MAML2: variants seen among roughly 807,000 people sequenced by gnomAD.
The protein encoded by MAML2 is mastermind-like protein 2.
MAML2 carries 22 observed loss-of-function variants against 96.1 expected under a neutral mutation model. That is an observed-to-expected ratio of 0.23 (90% CI 0.16 to 0.33). The LOEUF (loss-of-function observed/expected upper bound fraction) is 0.33, where lower values mean the gene tolerates loss of function less well. Ranked by LOEUF, MAML2 falls within the 10% of genes least tolerant of loss-of-function variation. The pLI is 1.00. For missense variants in MAML2, 1,367 were observed against 1,392.4 expected (o/e 0.98, Z 0.29); for synonymous variants, 561 against 521.3 (o/e 1.08, Z -1.04).
chr11:95,987,015 G>A (rs879326335), intron 3 of MAML2, among the ~76,000 whole-genome samples: 5 of 152,256 alleles, frequency 3.3e-5, no homozygotes, highest in African/African-American at 9.6e-5. Context: ...GGGGTCACAG[G>A]GTGTCTCAGT....
In MAML2 at chr11:96,277,768, A is replaced by C. The variant is rs186550701; in HGVS notation, c.513+63615T>G. Among the ~76,000 whole-genome samples, 758 of 152,072 alleles carry C rather than the reference A, an allele frequency of 5.0e-3. 6 individuals carry two copies. Among genetic ancestry groups the C allele is most frequent in the African/African-American group, 0.017 (712 of 41,498 alleles). On this transcript the variant is annotated intron_variant, in intron 1 of 4. Transcript: ENST00000524717. ...AAAAAAAAAAAATTAGAACTTTCTAAAATAATTTAAAATGGAATAAAAGAT... is the reference window on the plus strand; with the variant it reads ...AAAAAAAAAAAATTAGAACTTTCTACAATAATTTAAAATGGAATAAAAGAT...
intron 1 of MAML2, among the ~76,000 whole-genome samples, chr11:96,256,342 G>T (rs1395484844): frequency 3.3e-5 from 5 of 151,876 alleles, no homozygotes; most frequent in Admixed American, 3.3e-4. Flanking sequence ...TCTTTCTTTT[G>T]CTCTCTTTGC....
intron 2 of MAML2, among the ~76,000 whole-genome samples, chr11:96,030,810 C>T (rs1181093800): frequency 2.0e-5 from 3 of 152,168 alleles, no homozygotes; most frequent in African/African-American, 7.2e-5. Flanking sequence ...TCCTGGAGTA[C>T]TAATACAAAA....
At chr11:96,176,123 G>A (rs1029476080) in intron 1 of MAML2, among the ~76,000 whole-genome samples, 9 of 152,062 alleles carry the variant, frequency 5.9e-5, no homozygotes, top group African/African-American at 1.7e-4. Context: ...AAGAAGATGC[G>A]GTTCAGAGAT....
chr11:95,998,174 G>GTCTGTCTGTCTATCTA (rs139615820), intron 2 of MAML2, among the ~76,000 whole-genome samples: 22,072 of 147,276 alleles, frequency 0.15, 1,873 homozygotes, highest in Middle Eastern at 0.2. Context: ...CTGTCTGTCT[G>GTCTGTCTGTCTATCTA]TCTATCTATC....
At chr11:96,313,925 A>G (rs541255061) in intron 1 of MAML2, among the ~76,000 whole-genome samples, 3 of 152,344 alleles carry the variant, frequency 2.0e-5, no homozygotes, top group African/African-American at 7.2e-5. Flanking sequence ...GGTGGTTCTG[A>G]TGCCAGGTGA....
chr11:96,262,335 ATTAT>A (rs1163792581), intron 1 of MAML2, among the ~76,000 whole-genome samples: 5 of 152,218 alleles, frequency 3.3e-5, no homozygotes, highest in Non-Finnish European at 7.3e-5. Flanking sequence ...AGTTAGCATT[ATTAT>A]TTATTGTATA....
At chr11:96,067,759 C>A (rs544811188) in intron 2 of MAML2, among the ~76,000 whole-genome samples, 1 of 152,140 alleles carries the variant, frequency 6.6e-6, no homozygotes, top group African/African-American at 2.4e-5. Flanking sequence ...CAACGCATAT[C>A]CGTGACTGCC....
intron 1 of MAML2, among the ~76,000 whole-genome samples, chr11:96,103,779 C>T (rs1859974604): frequency 6.6e-6 from 1 of 152,142 alleles, no homozygotes; most frequent in Admixed American, 6.5e-5. Flanking sequence ...TGACTCTGAC[C>T]CCACATCTCG....
chr11:95,999,896 C>G (rs181231078), intron 2 of MAML2, among the ~76,000 whole-genome samples: 3 of 152,312 alleles, frequency 2.0e-5, no homozygotes, highest in East Asian at 3.9e-4. Context: ...ACCCACTTCT[C>G]TCTTTCCCTC....
At chr11:96,155,260 C>A (rs1296580586) in intron 1 of MAML2, among the ~76,000 whole-genome samples, 12 of 151,756 alleles carry the variant, frequency 7.9e-5, no homozygotes, top group Non-Finnish European at 1.5e-5. Context: ...AGGATAGTAT[C>A]CAAGCTGGGC....
chr11:96,155,513 T>A (rs7933819), intron 1 of MAML2, among the ~76,000 whole-genome samples: 1 of 19,216 alleles, frequency 5.2e-5, no homozygotes, highest in East Asian at 1.6e-3. Context: ...AATTCAAATA[T>A]ATATATATAT....
chr11:95,979,522 C>T lies in MAML2; in HGVS notation c.2897G>A (p.Trp966Ter). ...MITSNTTAPNWASQEGTSKQQ... is the reference protein window; with the variant it reads ...MITSNTTAPN ...TTTGCTTGTTCCTTCTTGAGAGGCCCAGTTTGGTGCAGTTGTGTTGGATGT... is the reference window on the plus strand; with the variant it reads ...TTTGCTTGTTCCTTCTTGAGAGGCCTAGTTTGGTGCAGTTGTGTTGGATGT... The change falls in exon 5 of 5, where the codon TGG (tryptophan) becomes TAG (stop). Residue 966 changes from tryptophan to a stop codon, truncating the protein, a stop_gained. Coordinates refer to ENST00000524717, the MANE Select transcript of MAML2 (RefSeq NM_032427.4). LOFTEE classifies it high-confidence loss of function. 6.2e-7 allele frequency: 1 copy of T among 1,613,598 alleles called. No homozygotes were observed. The highest frequency in any genetic ancestry group is 8.5e-7 in the Non-Finnish European group (1 of 1,179,810).
intron 2 of MAML2, among the ~76,000 whole-genome samples, chr11:96,011,676 A>G (rs1045100611): frequency 1.3e-5 from 2 of 152,196 alleles, no homozygotes; most frequent in African/African-American, 4.8e-5. Flanking sequence ...ATCATGCAAT[A>G]TAACCATGGA....
intron 1 of MAML2, among the ~76,000 whole-genome samples, chr11:96,279,657 A>T (rs1449864758): frequency 6.6e-6 from 1 of 152,130 alleles, no homozygotes; most frequent in Non-Finnish European, 1.5e-5. Context: ...ATTAAAATAT[A>T]TTTTTCTTTT....
intron 1 of MAML2, among the ~76,000 whole-genome samples, chr11:96,154,172 A>T (rs934866660): frequency 6.6e-6 from 1 of 152,164 alleles, no homozygotes; most frequent in African/African-American, 2.4e-5. Context: ...AGAGCTTGTT[A>T]AAAATAGATT....
At chr11:96,228,206 C>T (rs1192445964) in intron 1 of MAML2, among the ~76,000 whole-genome samples, 1 of 152,190 alleles carries the variant, frequency 6.6e-6, no homozygotes, top group Non-Finnish European at 1.5e-5. Context: ...GTCTTGGCCA[C>T]ATCGGGTTTC....
intron 1 of MAML2, among the ~76,000 whole-genome samples, chr11:96,239,374 G>A (rs1422991991): frequency 6.6e-6 from 1 of 152,164 alleles, no homozygotes; most frequent in Non-Finnish European, 1.5e-5. Flanking sequence ...GCCAATACCA[G>A]CACTTCTCTC....
At chr11:96,115,764 T>C (rs1252904697) in intron 1 of MAML2, among the ~76,000 whole-genome samples, 1 of 152,102 alleles carries the variant, frequency 6.6e-6, no homozygotes, top group South Asian at 2.1e-4. Flanking sequence ...TTCTGTTTTA[T>C]AGGATGGTCG....
Sources: gnomAD v4.1 joint callset for allele counts (sites outside exome capture counted in the v4.1 genomes callset) on GRCh38, gnomAD v4.1.1 for gene constraint, MANE v1.5 for transcripts, NCBI Gene and HGNC (gene_info 2026-07-23, HGNC 2026-07-21) for gene names.